The following ETFA variants were observed in gnomAD, a reference collection of about 807,000 sequenced individuals.
The protein encoded by ETFA is electron transfer flavoprotein subunit alpha, mitochondrial.
A neutral mutation model predicts 46.2 loss-of-function variants in ETFA; 22 were observed. The ratio of observed to expected loss-of-function variants is 0.48; its 90% confidence interval spans 0.34 to 0.68. ETFA has a LOEUF of 0.68. Among genes scored for constraint, ETFA ranks in the 30% least tolerant of loss-of-function variants. The probability of loss-of-function intolerance (pLI) is 0.01; values close to 1 mark genes in which losing one functional copy is unlikely to be tolerated. For synonymous variants in ETFA, 131 were observed against 139.9 expected (o/e 0.94, Z 0.45); for missense variants, 345 against 401.1 (o/e 0.86, Z 1.19).
chr15:76,288,287 A>G (rs756509680), intron 4 of ETFA, among the ~76,000 whole-genome samples: 1 of 152,244 alleles, frequency 6.6e-6, no homozygotes, highest in Non-Finnish European at 1.5e-5. Context: ...AAAAGATAGA[A>G]CAAATTTAGA....
intron 9 of ETFA, among the ~76,000 whole-genome samples, chr15:76,253,707 G>T (rs1362449394): frequency 6.6e-6 from 1 of 152,196 alleles, no homozygotes; most frequent in African/African-American, 2.4e-5. Context: ...CAATTCAAGT[G>T]GGGGAGGGGA....
chr15:76,291,219 G>T (rs1596221930), intron 4 of ETFA, among the ~76,000 whole-genome samples: 1 of 151,904 alleles, frequency 6.6e-6, no homozygotes, highest in African/African-American at 2.4e-5. Flanking sequence ...GAAGCAGGCA[G>T]ATCACCTGAG....
In ETFA at chr15:76,286,471, T is replaced by C. The variant is rs2039705956; in HGVS notation, c.462A>G (p.Leu154=). ...FVRTIYAGNA[L]CTVKCDEKVK... ...CTTTCTCATCACACTTCACTGTACA[T>C]AGAGCATTTCCTGAAACATACAATC... is the stretch of plus-strand genomic sequence containing the variant. Residue 154 remains leucine (L), a synonymous_variant, in exon 6 of 12, where the codon CTA becomes CTG. Transcript: ENST00000557943. The C allele has an allele frequency of 6.2e-7, 1 of 1,607,530 alleles. No individual in the cohort carries two copies. The highest frequency in any genetic ancestry group is 8.5e-7 in the Non-Finnish European group (1 of 1,174,064).
chr15:76,296,510 C>T (rs1415360976), intron 1 of ETFA, among the ~76,000 whole-genome samples: 1 of 152,130 alleles, frequency 6.6e-6, no homozygotes, highest in Admixed American at 6.6e-5. Flanking sequence ...GGTTTGAAAT[C>T]AGTCACGAAA....
intron 9 of ETFA, chr15:76,260,622 C>T (rs2039399690): frequency 6.5e-7 from 1 of 1,528,766 alleles, no homozygotes; most frequent in African/African-American, 1.4e-5. Context: ...GTCTTAAACC[C>T]AGGACAGTTT....
chr15:76,276,120 T>C (rs2039589137), intron 8 of ETFA, among the ~76,000 whole-genome samples: 1 of 152,046 alleles, frequency 6.6e-6, no homozygotes, highest in African/African-American at 2.4e-5. Flanking sequence ...AAAAGAACTT[T>C]TAACATTTCT....
chr15:76,286,585 A>C, intron 5 of ETFA, 104 bp from the exon 6 acceptor site: 1 of 753,968 alleles, frequency 1.3e-6, no homozygotes, highest in Non-Finnish European at 2.4e-6. Flanking sequence ...AGAAATAACT[A>C]TTGACCAGTT....
At chr15:76,244,443 A>G (rs2039225176) in intron 9 of ETFA, among the ~76,000 whole-genome samples, 1 of 152,198 alleles carries the variant, frequency 6.6e-6, no homozygotes, top group African/African-American at 2.4e-5. Flanking sequence ...AGTTTGGTTA[A>G]TATTAATATA....
At chr15:76,256,722 A>G (rs2039348716) in intron 9 of ETFA, among the ~76,000 whole-genome samples, 1 of 152,260 alleles carries the variant, frequency 6.6e-6, no homozygotes, top group Non-Finnish European at 1.5e-5. Flanking sequence ...ATTACACTGC[A>G]TATATAAGGG....
In ETFA at chr15:76,216,529, A is replaced by C; in HGVS notation, c.*30T>G. 1 of 1,361,306 alleles carries C rather than the reference A, an allele frequency of 7.3e-7. No individual in the cohort carries two copies. The highest frequency in any genetic ancestry group is 1.1e-6 in the Non-Finnish European group (1 of 949,896). The allele number at this position is 1,361,306 out of a possible 1,614,324, so 84.3% of individuals were successfully genotyped here. On this transcript the variant is annotated 3_prime_UTR_variant, in exon 12 of 12. Transcript: ENST00000557943. ...GTGATTTCAGTGGAATACTTTAACA[A>C]AAGTTTTCTTTTTAAGGCATGATCC...
At chr15:76,279,048 C>A (rs2141521965) in intron 8 of ETFA, among the ~76,000 whole-genome samples, 1 of 152,284 alleles carries the variant, frequency 6.6e-6, no homozygotes, top group East Asian at 1.9e-4. Context: ...TTTATGAAGT[C>A]CCCCTGTTGG....
Position 76,225,875 on chromosome 15 carries a change from A to T in ETFA, c.937T>A (p.Tyr313Asn), listed in dbSNP as rs1482839883. 3 of 1,610,936 alleles carry T rather than the reference A, an allele frequency of 1.9e-6. No homozygotes were observed. The highest frequency in any genetic ancestry group is 2.5e-6 in the Non-Finnish European group (3 of 1,177,254). Reference sequence around the variant, plus strand: ...TTAAATAAATCTGCAACTATTCCATAATCTGCCACTTGGAAAATTGGAGCT... The same window carrying T: ...TTAAATAAATCTGCAACTATTCCATTATCTGCCACTTGGAAAATTGGAGCT... Reference protein sequence around the residue: ...PEAPIFQVADYGIVADLFKVV... With the variant: ...PEAPIFQVADNGIVADLFKVV... Residue 313 changes from tyrosine to asparagine, a missense_variant, in exon 11 of 12, where the codon TAT becomes AAT. Physicochemically the swap from Tyr to Asn is moderately radical, Grantham distance 143. Coordinates refer to ENST00000557943, the MANE Select transcript of ETFA (RefSeq NM_000126.4).
chr15:76,262,479 T>C (rs1309031519), intron 9 of ETFA, among the ~76,000 whole-genome samples: 15 of 131,506 alleles, frequency 1.1e-4, no homozygotes, highest in African/African-American at 3.9e-4. Context: ...ACCCCCTTTT[T>C]TTTTTTTTTT....
rs573501776 is a variant in ETFA at position 76,261,167 on chromosome 15, C to T, written c.816+13245G>A. On this transcript the variant is annotated intron_variant, in intron 9 of 11. Coordinates refer to ENST00000557943, the MANE Select transcript of ETFA (RefSeq NM_000126.4). ...ACAAATGGAGAGGGAGCAGGTCCCC[C>T]GATCTTCGTAGTTCCTCTCCACCAG... The T allele has an allele frequency of 1.4e-5, 22 of 1,532,608 alleles. No homozygotes were observed. In the East Asian group the frequency reaches 1.6e-4, roughly 11 times the overall value. 94.9% of individuals were successfully genotyped at this position (1,532,608 alleles called of 1,614,324 possible).
intron 8 of ETFA, among the ~76,000 whole-genome samples, chr15:76,277,064 A>T (rs2039600324): frequency 2.6e-5 from 4 of 152,180 alleles, no homozygotes; most frequent in Admixed American, 2.6e-4. Flanking sequence ...CATGGTGGTA[A>T]GGTGTTGGGG....
At chr15:76,304,066 A>C (rs966942109) in intron 1 of ETFA, among the ~76,000 whole-genome samples, 1 of 152,254 alleles carries the variant, frequency 6.6e-6, no homozygotes, top group Non-Finnish European at 1.5e-5. Flanking sequence ...GGACTGGGTA[A>C]AGAAAATGTG....
At chr15:76,269,137 T>C (rs772622710) in intron 9 of ETFA, among the ~76,000 whole-genome samples, 1 of 152,170 alleles carries the variant, frequency 6.6e-6, no homozygotes, top group Admixed American at 6.5e-5. Flanking sequence ...CTCCTTTTAG[T>C]CTGCAGATGC....
chr15:76,252,237 C>T (rs998254174), intron 9 of ETFA, among the ~76,000 whole-genome samples: 6 of 152,156 alleles, frequency 3.9e-5, no homozygotes, highest in African/African-American at 1.2e-4. Flanking sequence ...GTCACAACTA[C>T]GGCTCACTGC....
At chr15:76,249,567 G>T (rs1388387387) in intron 9 of ETFA, among the ~76,000 whole-genome samples, 1 of 149,336 alleles carries the variant, frequency 6.7e-6, no homozygotes, top group East Asian at 2.0e-4. Flanking sequence ...TCAGCCTCCC[G>T]AGTAGCTGGG....
Sources: gnomAD v4.1 joint callset for allele counts (sites outside exome capture counted in the v4.1 genomes callset) on GRCh38, gnomAD v4.1.1 for gene constraint, MANE v1.5 for transcripts, NCBI Gene and HGNC (gene_info 2026-07-23, HGNC 2026-07-21) for gene names.